Variants in TRIM44 observed in about 807,000 individuals in gnomAD.
TRIM44 encodes the protein tripartite motif-containing protein 44.
In TRIM44, 13 loss-of-function variants were observed where a neutral mutation model predicts 37.4. The observed-to-expected ratio is 0.35, with a 90% CI of 0.23 to 0.55. The LOEUF (loss-of-function observed/expected upper bound fraction) is 0.55. Among genes scored for constraint, TRIM44 ranks in the 20% least tolerant of loss-of-function variants. The pLI, the probability that TRIM44 is intolerant of heterozygous loss-of-function variation, is 0.89. For synonymous variants in TRIM44, 175 were observed against 157.2 expected (o/e 1.11, Z -0.85); for missense variants, 426 against 437.2 (o/e 0.97, Z 0.23).
At chr11:35,757,157 T>C (rs1176908736) in intron 4 of TRIM44, among the ~76,000 whole-genome samples, 1 of 152,242 alleles carries the variant, frequency 6.6e-6, no homozygotes, top group South Asian at 2.1e-4. Flanking sequence ...TGGTAAGCTA[T>C]TAATTATTGC....
At chr11:35,745,899 T>C (rs1481577116) in intron 4 of TRIM44, among the ~76,000 whole-genome samples, 1 of 152,048 alleles carries the variant, frequency 6.6e-6, no homozygotes, top group South Asian at 2.1e-4. Flanking sequence ...TGGCCCGGAC[T>C]GGGAATCCCC....
intron 4 of TRIM44, among the ~76,000 whole-genome samples, chr11:35,757,905 T>C (rs966155465): frequency 8.5e-5 from 13 of 152,148 alleles, no homozygotes; most frequent in Non-Finnish European, 1.2e-4. Flanking sequence ...TGCTGAGGAG[T>C]ACTTTACTTC....
intron 4 of TRIM44, among the ~76,000 whole-genome samples, chr11:35,746,111 A>G (rs1852486488): frequency 6.6e-6 from 1 of 152,222 alleles, no homozygotes; most frequent in African/African-American, 2.4e-5. Flanking sequence ...GGAATGCCAC[A>G]TTGGTCCCTG....
chr11:35,747,523 C>T (rs538765579), intron 4 of TRIM44, among the ~76,000 whole-genome samples: 1 of 152,268 alleles, frequency 6.6e-6, no homozygotes, highest in Non-Finnish European at 1.5e-5. Context: ...TATCTTCCAA[C>T]CTCATGGCCA....
At chr11:35,797,034 T>C (rs572316579) in intron 4 of TRIM44, among the ~76,000 whole-genome samples, 20 of 152,302 alleles carry the variant, frequency 1.3e-4, no homozygotes, top group Admixed American at 1.2e-3. Flanking sequence ...ACCATATCTC[T>C]TGTGTTCTTT....
intron 4 of TRIM44, among the ~76,000 whole-genome samples, chr11:35,758,996 A>G (rs1852686365): frequency 1.3e-5 from 2 of 152,108 alleles, no homozygotes; most frequent in South Asian, 4.1e-4. Flanking sequence ...GCTCTTCTCA[A>G]GGAGTATCTT....
intron 4 of TRIM44, among the ~76,000 whole-genome samples, chr11:35,765,075 G>A (rs951339132): frequency 5.3e-5 from 8 of 152,032 alleles, no homozygotes; most frequent in African/African-American, 1.9e-4. Context: ...AAAATGAGAG[G>A]CCAACTCAGT....
intron 4 of TRIM44, among the ~76,000 whole-genome samples, chr11:35,802,501 G>A (rs1295349915): frequency 4.6e-5 from 7 of 152,282 alleles, no homozygotes; most frequent in African/African-American, 1.4e-4. Flanking sequence ...GAGAAGGTAA[G>A]TTTTAGGAAG....
rs146871333 is a variant in TRIM44 at position 35,778,167 on chromosome 11, T to C, written c.1008-28191T>C. On this transcript the variant is annotated intron_variant, in intron 4 of 4. Coordinates refer to ENST00000299413, the MANE Select transcript of TRIM44 (RefSeq NM_017583.6). Reference sequence around the variant, plus strand: ...GCTTTGTTCGTTTCTTTTTACTCTTTTTTCTCTAAACTTCTCTTCTGGCTT... The same window carrying C: ...GCTTTGTTCGTTTCTTTTTACTCTTCTTTCTCTAAACTTCTCTTCTGGCTT... Among the ~76,000 whole-genome samples the C allele has an allele frequency of 2.9e-3, 441 of 152,326 alleles. 4 individuals are homozygous for C. Among genetic ancestry groups the C allele is most frequent in the African/African-American group, 0.01 (418 of 41,564 alleles).
Position 35,814,129 on chromosome 11 carries a change from A to C in TRIM44, c.*7744A>C, listed in dbSNP as rs1351413971. The stretch of plus-strand genomic sequence containing the variant: ...ATTTTAGGCAATAGTCATTCAACAA[A>C]ATTGGAGCATAATAAAAAGAAACTG... On this transcript the variant is annotated 3_prime_UTR_variant, in exon 5 of 5. Coordinates refer to ENST00000299413, the MANE Select transcript of TRIM44 (RefSeq NM_017583.6). 6.6e-6 allele frequency: 1 copy of C among 152,208 alleles called. No homozygotes were observed. Among genetic ancestry groups the C allele is most frequent in the African/African-American group, 2.4e-5 (1 of 41,444 alleles). The allele number at this position is 152,208 out of a possible 1,614,324, so 9.4% of individuals were successfully genotyped here.
intron 2 of TRIM44, among the ~76,000 whole-genome samples, chr11:35,714,151 T>C (rs775813739): frequency 1.4e-4 from 21 of 152,092 alleles, no homozygotes; most frequent in African/African-American, 3.6e-4. Context: ...GGAAAGCTTA[T>C]TGGGGACTCT....
chr11:35,768,508 A>G (rs1176847993), intron 4 of TRIM44, among the ~76,000 whole-genome samples: 3 of 152,192 alleles, frequency 2.0e-5, no homozygotes, highest in African/African-American at 7.2e-5. Flanking sequence ...TTAGTGCAGT[A>G]ATTTCTAATC....
At chr11:35,675,100 T>A (rs1014312062) in intron 1 of TRIM44, among the ~76,000 whole-genome samples, 8 of 152,202 alleles carry the variant, frequency 5.3e-5, no homozygotes, top group Non-Finnish European at 7.3e-5. Context: ...TATAAATTCT[T>A]TAAGGCTAGA....
intron 4 of TRIM44, among the ~76,000 whole-genome samples, chr11:35,764,340 G>C (rs571487361): frequency 7.2e-5 from 11 of 152,298 alleles, no homozygotes; most frequent in Non-Finnish European, 1.5e-4. Flanking sequence ...AATTGCCTCT[G>C]ATAAACCCAG....
chr11:35,693,884 A>T (rs1851665252), intron 2 of TRIM44, among the ~76,000 whole-genome samples: 1 of 152,160 alleles, frequency 6.6e-6, no homozygotes, highest in Non-Finnish European at 1.5e-5. Context: ...CGTTGGAAAG[A>T]ATAGAGTGCG....
At chr11:35,743,418 A>T (rs1201726979) in intron 4 of TRIM44, among the ~76,000 whole-genome samples, 1 of 152,212 alleles carries the variant, frequency 6.6e-6, no homozygotes, top group African/African-American at 2.4e-5. Flanking sequence ...ATGATTTGTT[A>T]TGGGTAAATT....
intron 2 of TRIM44, among the ~76,000 whole-genome samples, chr11:35,717,127 T>C (rs1040966341): frequency 2.6e-5 from 4 of 152,138 alleles, no homozygotes; most frequent in African/African-American, 9.7e-5. Context: ...TGATTTCCTG[T>C]AGAGAAAATC....
At chr11:35,682,715 T>C (rs1851532953) in intron 1 of TRIM44, among the ~76,000 whole-genome samples, 1 of 152,176 alleles carries the variant, frequency 6.6e-6, no homozygotes, top group Non-Finnish European at 1.5e-5. Flanking sequence ...TAGGCGATGC[T>C]GCTGATGCTT....
chr11:35,727,761 T>TCTGTGCTATTTCAGTGC (rs1342375211), intron 3 of TRIM44, among the ~76,000 whole-genome samples: 8 of 152,200 alleles, frequency 5.3e-5, no homozygotes, highest in Non-Finnish European at 8.8e-5. Flanking sequence ...TAGATTTAAG[T>TCTGTGCTATTTCAGTGC]CTGTGCTATT....
Sources: allele counts gnomAD v4.1 joint callset (sites outside exome capture counted in the v4.1 genomes callset), GRCh38; gene constraint gnomAD v4.1.1; transcripts MANE v1.5; gene names NCBI Gene and HGNC (gene_info 2026-07-23, HGNC 2026-07-21).